The following SGCD variants were observed in gnomAD, a reference collection of about 807,000 sequenced individuals.
SGCD encodes the protein sarcoglycan delta, also known as delta-sarcoglycan.
A neutral mutation model predicts 36.6 loss-of-function variants in SGCD; 18 were observed. That is an observed-to-expected ratio of 0.49 (90% CI 0.34 to 0.73). SGCD has a LOEUF of 0.73. SGCD is among the 30% of genes least tolerant of loss of function. The pLI is 0.01. For synonymous variants in SGCD, 133 were observed against 130.6 expected, an observed-to-expected ratio of 1.02 and a Z score of -0.12; for missense variants, 387 against 346.7, an observed-to-expected ratio of 1.12 and a Z score of -0.92.
At chr5:155,988,183 T>A (rs543102341) in intron 1 of SGCD, among the ~76,000 whole-genome samples, 1 of 152,278 alleles carries the variant, frequency 6.6e-6, no homozygotes, top group East Asian at 1.9e-4. Context: ...TCTCTGCAGT[T>A]CCTTTTTTTT....
chr5:155,873,975 A>G (rs1223373549), intron 1 of SGCD, among the ~76,000 whole-genome samples: 1 of 152,176 alleles, frequency 6.6e-6, no homozygotes, highest in East Asian at 1.9e-4. Flanking sequence ...CTGACACACT[A>G]CAGGGAAACA....
chr5:156,125,207 G>A (rs1246053766), intron 3 of SGCD, among the ~76,000 whole-genome samples: 1 of 152,168 alleles, frequency 6.6e-6, no homozygotes, highest in African/African-American at 2.4e-5. Context: ...ATAACCCAAA[G>A]GTTTCTGGGA....
chr5:155,988,193 T>G (rs563388394), intron 1 of SGCD, among the ~76,000 whole-genome samples: 1 of 152,294 alleles, frequency 6.6e-6, no homozygotes, highest in East Asian at 1.9e-4. Context: ...TCCTTTTTTT[T>G]TATTCCTGTG....
intron 3 of SGCD, among the ~76,000 whole-genome samples, chr5:156,471,801 TA>T (rs1425172425): frequency 2.0e-5 from 3 of 151,860 alleles, no homozygotes; most frequent in African/African-American, 7.3e-5. Context: ...TTTCTCAAAA[TA>T]AAAACTTCTC....
intron 1 of SGCD, among the ~76,000 whole-genome samples, chr5:155,952,393 T>C (rs1382828991): frequency 6.6e-6 from 1 of 152,108 alleles, no homozygotes; most frequent in Non-Finnish European, 1.5e-5. Flanking sequence ...TAATGCTTTA[T>C]GTTAGTTGGC....
intron 3 of SGCD, among the ~76,000 whole-genome samples, chr5:156,403,464 A>G (rs1290410696): frequency 6.6e-6 from 1 of 152,186 alleles, no homozygotes; most frequent in Non-Finnish European, 1.5e-5. Context: ...AACCTCCACA[A>G]TTCCTCATGT....
intron 6 of SGCD, among the ~76,000 whole-genome samples, chr5:156,632,095 G>C (rs1762660495): frequency 6.6e-6 from 1 of 152,120 alleles, no homozygotes; most frequent in African/African-American, 2.4e-5. Flanking sequence ...TCTTGTACAG[G>C]TTTCCTTTAG....
At chr5:156,646,541 G>T (rs1763232873) in intron 6 of SGCD, among the ~76,000 whole-genome samples, 1 of 152,098 alleles carries the variant, frequency 6.6e-6, no homozygotes, top group Admixed American at 6.6e-5. Context: ...ATATAATGGA[G>T]CATTTCTAGA....
chr5:156,655,486 T>A (rs1200188787), intron 7 of SGCD, among the ~76,000 whole-genome samples: 1 of 152,158 alleles, frequency 6.6e-6, no homozygotes, highest in Non-Finnish European at 1.5e-5. Flanking sequence ...ATTTACTGTA[T>A]TTGCAGTCTT....
intron 4 of SGCD, among the ~76,000 whole-genome samples, chr5:156,545,718 A>ACC (rs1161889112): frequency 1.3e-5 from 2 of 152,122 alleles, no homozygotes; most frequent in Admixed American, 1.3e-4. Flanking sequence ...GGTTCCCTGT[A>ACC]CCCGTCTTCG....
At chr5:156,128,122 A>G (rs190168872) in intron 3 of SGCD, among the ~76,000 whole-genome samples, 270 of 152,292 alleles carry the variant, frequency 1.8e-3, no homozygotes, top group South Asian at 4.4e-3. Flanking sequence ...TCACTTCATA[A>G]AACTAGATAA....
At chr5:155,887,027 G>A (rs1377923885) in intron 1 of SGCD, among the ~76,000 whole-genome samples, 1 of 152,148 alleles carries the variant, frequency 6.6e-6, no homozygotes, top group Non-Finnish European at 1.5e-5. Flanking sequence ...AAAATTCCTG[G>A]TGTCCCTTTT....
chr5:155,994,295 A>G (rs150291866), intron 1 of SGCD, among the ~76,000 whole-genome samples: 102 of 152,336 alleles, frequency 6.7e-4, no homozygotes, highest in African/African-American at 2.3e-3. Context: ...TGAGCAGCAT[A>G]TATCTCATTG....
intron 1 of SGCD, among the ~76,000 whole-genome samples, chr5:155,915,926 G>C (rs936006246): frequency 2.5e-4 from 38 of 152,172 alleles, no homozygotes; most frequent in African/African-American, 8.7e-4. Flanking sequence ...TACCAAAATT[G>C]GTGTGTGAAA....
chr5:156,540,967 A>G (rs1758327909), intron 4 of SGCD, among the ~76,000 whole-genome samples: 1 of 152,192 alleles, frequency 6.6e-6, no homozygotes, highest in Non-Finnish European at 1.5e-5. Flanking sequence ...GTAGGTATCC[A>G]TTTTGTTAAG....
chr5:156,601,567 T>G (rs886806054), intron 6 of SGCD, among the ~76,000 whole-genome samples: 27 of 152,352 alleles, frequency 1.8e-4, no homozygotes, highest in African/African-American at 6.5e-4. Context: ...GTGCAATGCC[T>G]GCAGTTTAAT....
At chr5:156,672,800 C>A (rs145091608) in intron 7 of SGCD, among the ~76,000 whole-genome samples, 2 of 152,286 alleles carry the variant, frequency 1.3e-5, no homozygotes, top group African/African-American at 4.8e-5. Context: ...TGTCCCCTGT[C>A]CGTAGGCTTT....
chr5:155,731,340 A>T, the SGCD span, among the ~76,000 whole-genome samples: 1 of 151,784 alleles, frequency 6.6e-6, no homozygotes, highest in South Asian at 2.1e-4. Flanking sequence ...AAGGAGTGGG[A>T]ATGGGTGGGG....
chr5:156,433,107 G>T (rs1753093726), intron 3 of SGCD, among the ~76,000 whole-genome samples: 1 of 152,118 alleles, frequency 6.6e-6, no homozygotes, highest in South Asian at 2.1e-4. Flanking sequence ...TAAAATTTTT[G>T]TGACTTACAA....
Sources: gnomAD v4.1 joint callset for allele counts (sites outside exome capture counted in the v4.1 genomes callset) on GRCh38, gnomAD v4.1.1 for gene constraint, MANE v1.5 for transcripts, NCBI Gene and HGNC (gene_info 2026-07-23, HGNC 2026-07-21) for gene names.